Variants in CADM2 observed in about 807,000 individuals in gnomAD.
CADM2 encodes the protein cell adhesion molecule 2.
In CADM2, 12 loss-of-function variants were observed where a neutral mutation model predicts 49.8. That is an observed-to-expected ratio of 0.24 (90% CI 0.15 to 0.39). The LOEUF (loss-of-function observed/expected upper bound fraction) is 0.39. Among genes scored for constraint, CADM2 ranks in the 10% least tolerant of loss-of-function variants. The pLI is 1.00. For synonymous variants in CADM2, 214 were observed against 175.4 expected (o/e 1.22, Z -1.74); for missense variants, 378 against 492.3 (o/e 0.77, Z 2.20).
intron 1 of CADM2, among the ~76,000 whole-genome samples, chr3:85,212,856 TTC>T (rs74213253): frequency 7.9e-6 from 1 of 126,014 alleles, no homozygotes; most frequent in Non-Finnish European, 1.6e-5. Context: ...CTTTCTTTCT[TTC>T]TTTCTTTCTT....
intron 1 of CADM2, among the ~76,000 whole-genome samples, chr3:85,243,787 C>T (rs981450818): frequency 3.3e-5 from 5 of 152,084 alleles, no homozygotes; most frequent in Non-Finnish European, 5.9e-5. Context: ...AATCCACTGT[C>T]GTCTTTATGG....
chr3:85,717,680 G>T (rs1384257655), intron 1 of CADM2, among the ~76,000 whole-genome samples: 1 of 152,146 alleles, frequency 6.6e-6, no homozygotes, highest in Non-Finnish European at 1.5e-5. Context: ...CTAGTTTATT[G>T]AGTGTTTATA....
chr3:85,092,757 C>T lies in CADM2; in HGVS notation c.61+133089C>T, dbSNP rs187167853. On this transcript the variant is annotated intron_variant, in intron 1 of 9. Transcript: ENST00000383699. ...TTTTCTCTTCCACCACCGCCACCAC[C>T]TCAAATTCATTCTGCACATAGCTAC... Among the ~76,000 whole-genome samples the T allele has an allele frequency of 3.5e-3, 531 of 152,232 alleles. 4 individuals carry two copies. The highest frequency in any genetic ancestry group is 0.012 in the African/African-American group (501 of 41,546).
intron 3 of CADM2, among the ~76,000 whole-genome samples, chr3:85,824,716 TG>T (rs1244313655): frequency 6.6e-6 from 1 of 152,096 alleles, no homozygotes; most frequent in Non-Finnish European, 1.5e-5. Flanking sequence ...TTTCACTTTC[TG>T]GGTGTTTATT....
At chr3:85,857,513 TGTTGCTCAG>T (rs5850718) in intron 3 of CADM2, among the ~76,000 whole-genome samples, 46,425 of 151,790 alleles carry the variant, frequency 0.31, 7,284 homozygotes, top group East Asian at 0.45. Context: ...AGTCTCACTC[TGTTGCTCAG>T]GCTGGAGTGC....
chr3:85,683,451 A>G (rs1025223139), intron 1 of CADM2, among the ~76,000 whole-genome samples: 1 of 152,148 alleles, frequency 6.6e-6, no homozygotes, highest in African/African-American at 2.4e-5. Context: ...CCCTTAGTGG[A>G]AATCTAATAA....
At chr3:85,028,536 G>A (rs868191029) in intron 1 of CADM2, among the ~76,000 whole-genome samples, 2 of 152,230 alleles carry the variant, frequency 1.3e-5, no homozygotes, top group South Asian at 2.1e-4. Context: ...GTATCTTAAA[G>A]TACAAATTTA....
At chr3:85,457,021 CAATT>C (rs972188854) in intron 1 of CADM2, among the ~76,000 whole-genome samples, 30 of 151,764 alleles carry the variant, frequency 2.0e-4, no homozygotes, top group Non-Finnish European at 3.8e-4. Flanking sequence ...AGATACTTGA[CAATT>C]AAGATGCACT....
chr3:86,003,786 G>A (rs1026975512), intron 8 of CADM2, among the ~76,000 whole-genome samples: 2 of 152,114 alleles, frequency 1.3e-5, no homozygotes, highest in Non-Finnish European at 2.9e-5. Flanking sequence ...CCTGGGATCA[G>A]GTAAGTGAGT....
At chr3:85,797,517 T>C (rs2071700367) in intron 2 of CADM2, among the ~76,000 whole-genome samples, 3 of 152,186 alleles carry the variant, frequency 2.0e-5, no homozygotes. Context: ...TGTTTGGTTT[T>C]GTGTTTCTGT....
intron 8 of CADM2, among the ~76,000 whole-genome samples, chr3:86,008,985 T>C (rs900111969): frequency 6.6e-6 from 1 of 151,280 alleles, no homozygotes; most frequent in African/African-American, 2.4e-5. Context: ...GCAGGGTATT[T>C]GGCAGTGTAG....
intron 1 of CADM2, among the ~76,000 whole-genome samples, chr3:85,537,015 T>G (rs2061434168): frequency 6.6e-6 from 1 of 152,098 alleles, no homozygotes; most frequent in African/African-American, 2.4e-5. Flanking sequence ...ACTGTACTTT[T>G]GAAATTTTAA....
At chr3:85,032,984 T>C (rs1300292139) in intron 1 of CADM2, among the ~76,000 whole-genome samples, 1 of 152,084 alleles carries the variant, frequency 6.6e-6, no homozygotes, top group Non-Finnish European at 1.5e-5. Flanking sequence ...TCTATATATC[T>C]TTTTTTAGTT....
intron 1 of CADM2, among the ~76,000 whole-genome samples, chr3:85,102,725 T>A (rs1157120949): frequency 6.6e-6 from 1 of 152,174 alleles, no homozygotes; most frequent in African/African-American, 2.4e-5. Context: ...TCCTGGCATT[T>A]GGGTGAATGC....
Position 85,930,385 on chromosome 3 carries a change from C to T in CADM2, c.701-5382C>T, listed in dbSNP as rs184356921. Among the ~76,000 whole-genome samples, 15 of 151,946 alleles carry T rather than the reference C, an allele frequency of 9.9e-5. No homozygotes were observed. In the South Asian group the frequency reaches 1.7e-3, roughly 17 times the overall value. On this transcript the variant is annotated intron_variant, in intron 6 of 9. Transcript: ENST00000383699. ...GATGTTTTGATACAGGCATGCAAAA[C>T]GAAATAAGCACATCATGAAGAATGG...
At chr3:85,679,100 C>A (rs1186508665) in intron 1 of CADM2, among the ~76,000 whole-genome samples, 1 of 151,776 alleles carries the variant, frequency 6.6e-6, no homozygotes, top group African/African-American at 2.4e-5. Context: ...AAATCAATAA[C>A]CACAAAATTA....
chr3:85,581,348 A>G (rs1264801845), intron 1 of CADM2, among the ~76,000 whole-genome samples: 1 of 152,054 alleles, frequency 6.6e-6, no homozygotes, highest in East Asian at 1.9e-4. Context: ...GGGAATAAAA[A>G]CAGTCATTCT....
intron 1 of CADM2, among the ~76,000 whole-genome samples, chr3:85,663,982 T>G (rs1033762198): frequency 6.6e-6 from 1 of 152,150 alleles, no homozygotes; most frequent in African/African-American, 2.4e-5. Context: ...AGAAATATTT[T>G]ATGCACTTGG....
chr3:85,819,188 A>G (rs1326340994), intron 3 of CADM2, among the ~76,000 whole-genome samples: 2 of 152,204 alleles, frequency 1.3e-5, no homozygotes, highest in Non-Finnish European at 2.9e-5. Flanking sequence ...GATGAAAGCC[A>G]GAAGACTCAG....
Sources: gnomAD v4.1 joint callset for allele counts (sites outside exome capture counted in the v4.1 genomes callset) on GRCh38, gnomAD v4.1.1 for gene constraint, MANE v1.5 for transcripts, NCBI Gene and HGNC (gene_info 2026-07-23, HGNC 2026-07-21) for gene names.